Variants in LGALS9 observed in about 807,000 individuals in gnomAD.
The protein encoded by LGALS9 is galectin-9.
A neutral mutation model predicts 35.9 loss-of-function variants in LGALS9; 26 were observed. The ratio of observed to expected loss-of-function variants is 0.72; its 90% CI spans 0.53 to 1.01. The LOEUF (loss-of-function observed/expected upper bound fraction) is 1.01, where lower values mean the gene tolerates loss of function less well. Ranked by LOEUF, LGALS9 falls within the 50% of genes least tolerant of loss-of-function variation. The pLI, the probability that LGALS9 is intolerant of heterozygous loss-of-function variation, is 0.00. For missense variants in LGALS9, 347 were observed against 445.8 expected (o/e 0.78, Z 1.99); for synonymous variants, 149 against 172.2 (o/e 0.87, Z 1.06).
rs76756673 is a variant in LGALS9 at position 27,639,547 on chromosome 17, A to G, written c.132-1025A>G. 2.1e-3 allele frequency among the ~76,000 whole-genome samples: 317 copies of G among 152,052 alleles called. 12 individuals carry two copies. In the East Asian group the frequency reaches 0.055, roughly 26 times the overall value. On this transcript the variant is annotated intron_variant, in intron 2 of 10. Transcript: ENST00000395473. ...TACATGCAGATATATTTCAAATGCA[A>G]TCTTCTCCATTTATTCATTTAATTA...
rs775030470 is a variant in LGALS9, at chr17:27,646,544, C to T, written c.628-3C>T. On this transcript the variant is annotated splice_region_variant and splice_polypyrimidine_tract_variant and intron_variant, in intron 7 of 10. Coordinates refer to ENST00000395473, the MANE Select transcript of LGALS9 (RefSeq NM_009587.3). Reference sequence around the variant, plus strand: ...ATTGAATTTCCTGGTTTCTTTTCAACAGACTCCCGCCATCCCACCTATGAT... The same window carrying T: ...ATTGAATTTCCTGGTTTCTTTTCAATAGACTCCCGCCATCCCACCTATGAT... The T allele has an allele frequency of 4.7e-5, 75 of 1,611,986 alleles. 1 individual carries two copies. The Middle Eastern group carries it at 1.1e-3, about 24-fold the overall frequency.
intron 8 of LGALS9, 70 bp downstream of exon 8, chr17:27,646,658 G>C: frequency 6.2e-7 from 1 of 1,607,608 alleles, no homozygotes; most frequent in Non-Finnish European, 8.5e-7. Flanking sequence ...GGGCCGCTGT[G>C]GGGGGATCCA....
In LGALS9 at chr17:27,643,632, A is replaced by G. The variant is rs1291121337; in HGVS notation, c.540+12A>G. The G allele has an allele frequency of 1.1e-5, 18 of 1,606,538 alleles. No homozygotes were observed. The highest frequency in any genetic ancestry group is 2.2e-5 in the East Asian group (1 of 44,818). ...GGCGCAGACAAAAAGTGAGTTCAAC[A>G]CAGAGGCCCTGGGTGGCCGAGCAGA... On this transcript the variant is annotated intron_variant, in intron 5 of 10. Transcript: ENST00000395473.
intron 3 of LGALS9, chr17:27,641,027 G>C: frequency 1.4e-6 from 1 of 694,208 alleles, no homozygotes; most frequent in Non-Finnish European, 2.6e-6. Flanking sequence ...GTTGCTATTT[G>C]GTGTTGTGTG....
rs982652971 is a variant in LGALS9, at chr17:27,647,202, C to A, written c.759-68C>A. 1.9e-6 allele frequency: 3 copies of A among 1,613,682 alleles called. No individual in the cohort carries two copies. In the Admixed American group the frequency reaches 5.0e-5, roughly 27 times the overall value. On this transcript the variant is annotated intron_variant, in intron 9 of 10. Coordinates refer to ENST00000395473, the MANE Select transcript of LGALS9 (RefSeq NM_009587.3). ...CATTCCCCTGGCTTCAGGAAGGCTACTGATGATGGGGAGGAAATGGGACTC... is the reference window on the plus strand; with the variant it reads ...CATTCCCCTGGCTTCAGGAAGGCTAATGATGATGGGGAGGAAATGGGACTC...
chr17:27,643,723 C>G (rs539540628), intron 5 of LGALS9, 103 bp downstream of exon 5: 4 of 1,460,850 alleles, frequency 2.7e-6, no homozygotes, highest in Non-Finnish European at 3.6e-6. Context: ...GCCTACAGGC[C>G]GCATCTTGCC....
Position 27,642,284 on chromosome 17 carries a change from C to T in LGALS9, c.380C>T (p.Pro127Leu). 2 of 1,612,804 alleles carry T rather than the reference C, an allele frequency of 1.2e-6. No individual in the cohort carries two copies. The highest frequency in any genetic ancestry group is 2.2e-5 in the South Asian group (2 of 91,008). ...ILFVQYFHRV[P>L]FHRVDTISVN... ...TTCGTGCAGTACTTCCACCGCGTGC[C>T]CTTCCACCGTGTGGACACCATCTCC... The change falls in exon 4 of 11, where the codon CCC becomes CTC. Residue 127 changes from proline (P) to leucine (L), a missense_variant. By Grantham distance (98) the Pro-to-Leu change is moderately conservative. Transcript: ENST00000395473.
chr17:27,641,214 G>C (rs918380607), intron 3 of LGALS9, among the ~76,000 whole-genome samples: 1 of 152,168 alleles, frequency 6.6e-6, no homozygotes, highest in South Asian at 2.1e-4. Flanking sequence ...CTCTGGGCTT[G>C]AGAAGCCTGT....
At chr17:27,646,415 C>G (rs528356801) in intron 7 of LGALS9, 132 bp from the exon 8 acceptor site, 4 of 1,393,108 alleles carry the variant, frequency 2.9e-6, no homozygotes, top group South Asian at 2.3e-5. Context: ...GGTAGACGGG[C>G]GAGTCCAAGG....
At chr17:27,635,460 A>G (rs1266502689) in intron 1 of LGALS9, among the ~76,000 whole-genome samples, 1 of 151,218 alleles carries the variant, frequency 6.6e-6, no homozygotes, top group African/African-American at 2.4e-5. Context: ...ATAAATAAAT[A>G]AATAAATAAA....
chr17:27,638,692 G>A lies in LGALS9; in HGVS notation c.131+338G>A, dbSNP rs111464558. 1.0e-2 allele frequency: 3,820 copies of A among 382,404 alleles called. 130 individuals are homozygous for A. The highest frequency in any genetic ancestry group is 0.071 in the African/African-American group (3,458 of 48,452). 23.7% of individuals were successfully genotyped at this position (382,404 alleles called of 1,614,324 possible). On this transcript the variant is annotated intron_variant, in intron 2 of 10. Transcript: ENST00000395473. ...AAAAATCAAACTTCCTCCATTTCCCGTAACTGCTCTCATCCACTCTGAAGC... is the reference window on the plus strand; with the variant it reads ...AAAAATCAAACTTCCTCCATTTCCCATAACTGCTCTCATCCACTCTGAAGC...
chr17:27,637,847 C>T (rs1286679663), intron 1 of LGALS9, among the ~76,000 whole-genome samples: 1 of 152,174 alleles, frequency 6.6e-6, no homozygotes, highest in Non-Finnish European at 1.5e-5. Flanking sequence ...GGGACCTTTG[C>T]TGGGAGCTTA....
intron 5 of LGALS9, chr17:27,643,938 G>A: frequency 3.1e-6 from 1 of 322,290 alleles, no homozygotes. Context: ...CCCAACCACT[G>A]CCACAGTGAC....
At position 27,646,473 on chromosome 17, in the gene LGALS9, G is replaced by C; in HGVS notation, c.628-74G>C. On this transcript the variant is annotated intron_variant, in intron 7 of 10. Transcript: ENST00000395473. ...CTCACAGTGGAGTCCTCTCTAGAAC[G>C]CGTGGGTGCGCCTGGGTGAGTGCTC... is the stretch of plus-strand genomic sequence containing the variant. The C allele has an allele frequency of 3.1e-6, 5 of 1,606,462 alleles. No homozygotes were observed. The South Asian group carries it at 3.3e-5, about 11-fold the overall frequency.
At chr17:27,631,589 C>T (rs1461420038) in intron 1 of LGALS9, among the ~76,000 whole-genome samples, 3 of 152,060 alleles carry the variant, frequency 2.0e-5, no homozygotes, top group Admixed American at 6.5e-5. Context: ...ACATGTAGAG[C>T]GGGGTGGTTC....
At chr17:27,641,222 T>G (rs1318828228) in intron 3 of LGALS9, among the ~76,000 whole-genome samples, 4 of 152,102 alleles carry the variant, frequency 2.6e-5, no homozygotes, top group African/African-American at 7.3e-5. Context: ...TTGAGAAGCC[T>G]GTGGGTAAGT....
intron 1 of LGALS9, among the ~76,000 whole-genome samples, chr17:27,636,247 G>A (rs990041693): frequency 3.9e-5 from 6 of 152,184 alleles, no homozygotes; most frequent in Non-Finnish European, 8.8e-5. Context: ...GGCCTGCACA[G>A]TGTTTCTTTT....
chr17:27,643,742 A>C, intron 5 of LGALS9, 122 bp downstream of exon 5: 1 of 1,432,014 alleles, frequency 7.0e-7, no homozygotes, highest in Non-Finnish European at 9.3e-7. Flanking sequence ...CCCACCCAAG[A>C]GTTCCCTGTC....
At chr17:27,634,372 GACC>G (rs76513920) in intron 1 of LGALS9, among the ~76,000 whole-genome samples, 3 of 152,060 alleles carry the variant, frequency 2.0e-5, no homozygotes, top group Non-Finnish European at 4.4e-5. Flanking sequence ...CACAAAGTGA[GACC>G]ACGTCTCTAC....
Sources: allele counts gnomAD v4.1 joint callset (sites outside exome capture counted in the v4.1 genomes callset), GRCh38; gene constraint gnomAD v4.1.1; transcripts MANE v1.5; gene names NCBI Gene and HGNC (gene_info 2026-07-23, HGNC 2026-07-21).